RGS20: variants seen among roughly 807,000 people sequenced by gnomAD.
RGS20 encodes the protein regulator of G protein signaling 20, also known as gz-selective GTPase-activating protein.
A neutral mutation model predicts 33.6 loss-of-function variants in RGS20; 30 were observed. That is an observed-to-expected ratio of 0.89 (90% CI 0.67 to 1.21). The LOEUF (loss-of-function observed/expected upper bound fraction) is 1.21, where lower values mean the gene tolerates loss of function less well. Among genes scored for constraint, RGS20 ranks in the 50% most tolerant of loss-of-function variants. The pLI is 0.00. For missense variants in RGS20, 472 were observed against 502.4 expected (o/e 0.94, Z 0.58); for synonymous variants, 208 against 197.9 (o/e 1.05, Z -0.43).
In RGS20 at chr8:53,879,445, G is replaced by A. The variant is rs1812291670; in HGVS notation, c.353G>A (p.Arg118Lys). The A allele has an allele frequency of 6.2e-7, 1 of 1,600,020 alleles. No individual in the cohort carries two copies. The highest frequency in any genetic ancestry group is 8.5e-7 in the Non-Finnish European group (1 of 1,174,588). ...GCCCTGCCGGCCGCCCGGCTCTCGA[G>A]GGGGCACGAGGAGCTGCCGGGCCGC... Residue 118 changes from arginine (R) to lysine (K), a missense_variant, in exon 2 of 6, where the codon AGG (arginine) becomes AAG (lysine). By Grantham distance (26) the Arg-to-Lys change is conservative (BLOSUM62 2). Around this residue, in one of 3 missense-constraint regions of RGS20, gnomAD observed 319 missense variants for 283.4 expected, o/e 1.13. Transcript: ENST00000297313.
At chr8:53,898,623 G>A (rs1446619754) in intron 2 of RGS20, among the ~76,000 whole-genome samples, 1 of 152,222 alleles carries the variant, frequency 6.6e-6, no homozygotes, top group Non-Finnish European at 1.5e-5. Flanking sequence ...ACCAGAGATA[G>A]AAATGAAATA....
At chr8:53,890,770 C>T (rs998871420) in intron 2 of RGS20, among the ~76,000 whole-genome samples, 2 of 152,230 alleles carry the variant, frequency 1.3e-5, no homozygotes, top group African/African-American at 4.8e-5. Flanking sequence ...GCTGGGATTA[C>T]AGGCACTTGC....
intron 2 of RGS20, among the ~76,000 whole-genome samples, chr8:53,921,091 G>A (rs950100039): frequency 6.6e-6 from 1 of 152,150 alleles, no homozygotes; most frequent in Non-Finnish European, 1.5e-5. Context: ...TATGATTTTT[G>A]TCCATTATTT....
intron 1 of RGS20, among the ~76,000 whole-genome samples, chr8:53,866,919 G>A (rs971282009): frequency 2.0e-5 from 3 of 152,074 alleles, no homozygotes; most frequent in Non-Finnish European, 4.4e-5. Context: ...GGGTTTGGAC[G>A]TGTGTGTGTC....
At chr8:53,954,391 C>G in intron 5 of RGS20, 81 bp downstream of exon 4, 1 of 919,252 alleles carries the variant, frequency 1.1e-6, no homozygotes, top group Non-Finnish European at 1.7e-6. Context: ...AGGCCGGGCA[C>G]AGTGGCTCAC....
chr8:53,909,209 G>GTATA lies in RGS20; in HGVS notation c.510+29650_510+29653dup, dbSNP rs1178436696. On this transcript the variant is annotated intron_variant, in intron 2 of 5. Coordinates refer to ENST00000297313, the MANE Select transcript of RGS20 (RefSeq NM_170587.4). ...CTCTATTATCCATTATGGTATGTGTGTATATATATATATATATATATATAT... is the reference window on the plus strand; with the variant it reads ...CTCTATTATCCATTATGGTATGTGTGTATATATATATATATATATATATATATAT... 4.3e-3 allele frequency among the ~76,000 whole-genome samples: 188 copies of GTATA among 43,692 alleles called. 1 individual carries two copies. Among genetic ancestry groups the GTATA allele is most frequent in the Middle Eastern group, 0.018 (1 of 56 alleles). 28.7% of individuals were successfully genotyped at this position (43,692 alleles called of 152,430 possible). A position where few individuals can be genotyped will look rare whatever the true frequency, so the allele number is the denominator to read the frequency against.
chr8:53,909,207 G>GTATATATA (rs1198520966), intron 2 of RGS20, among the ~76,000 whole-genome samples: 1 of 83,154 alleles, frequency 1.2e-5, no homozygotes, highest in Non-Finnish European at 2.2e-5. Flanking sequence ...TATGGTATGT[G>GTATATATA]TGTATATATA....
At chr8:53,852,939 A>G (rs1811598307) in intron 1 of RGS20, among the ~76,000 whole-genome samples, 1 of 152,168 alleles carries the variant, frequency 6.6e-6, no homozygotes, top group South Asian at 2.1e-4. Flanking sequence ...GAGGGGAAAA[A>G]AAAAATAAAA....
intron 1 of RGS20, among the ~76,000 whole-genome samples, chr8:53,856,587 C>T (rs938888014): frequency 3.9e-5 from 6 of 152,216 alleles, no homozygotes; most frequent in Non-Finnish European, 5.9e-5. Flanking sequence ...AGTGGGAGGG[C>T]GGGTGAACTC....
intron 1 of RGS20, among the ~76,000 whole-genome samples, chr8:53,867,605 T>A (rs1338220153): frequency 1.3e-5 from 2 of 152,202 alleles, no homozygotes; most frequent in Non-Finnish European, 2.9e-5. Context: ...GCCCTGTTGG[T>A]ATCTAAAACA....
intron 2 of RGS20, among the ~76,000 whole-genome samples, chr8:53,916,138 T>C: frequency 6.6e-6 from 1 of 152,140 alleles, no homozygotes; most frequent in East Asian, 1.9e-4. Context: ...TCCTCCCACC[T>C]CAACCTCCTA....
chr8:53,857,232 G>A (rs748450779), intron 1 of RGS20, among the ~76,000 whole-genome samples: 13 of 152,238 alleles, frequency 8.5e-5, no homozygotes, highest in South Asian at 2.1e-4. Flanking sequence ...TCTCTCTGCC[G>A]TGGCTAGCAT....
At position 53,947,194 on chromosome 8, in the gene RGS20, C is replaced by T. The variant is rs12544036; in HGVS notation, c.743+446C>T. ...CTATATAAGATATAGCATATTTATA[C>T]ACGCTATATAAGATATAGCATATTT... On this transcript the variant is annotated intron_variant, in intron 4 of 5. Transcript: ENST00000297313. Among the ~76,000 whole-genome samples the T allele has an allele frequency of 7.0e-3, 1,001 of 142,986 alleles. 20 individuals are homozygous for T. The highest frequency in any genetic ancestry group is 0.037 in the Admixed American group (502 of 13,614). The allele number at this position is 142,986 out of a possible 152,430, so 93.8% of individuals were successfully genotyped here.
intron 2 of RGS20, among the ~76,000 whole-genome samples, chr8:53,936,598 G>A (rs2129289636): frequency 6.6e-6 from 1 of 152,258 alleles, no homozygotes; most frequent in South Asian, 2.1e-4. Context: ...GGAAATAAGG[G>A]AGGACACAAA....
chr8:53,894,950 A>C (rs760486941), intron 2 of RGS20, among the ~76,000 whole-genome samples: 4 of 152,134 alleles, frequency 2.6e-5, no homozygotes, highest in Non-Finnish European at 5.9e-5. Flanking sequence ...TCTATTTTAA[A>C]AGAGTTAGTA....
At chr8:53,943,102 A>G (rs1333177432) in intron 3 of RGS20, among the ~76,000 whole-genome samples, 1 of 152,238 alleles carries the variant, frequency 6.6e-6, no homozygotes, top group Non-Finnish European at 1.5e-5. Context: ...AATATAATAT[A>G]GTAGCATAAT....
At chr8:53,889,428 T>C (rs1255717664) in intron 2 of RGS20, among the ~76,000 whole-genome samples, 1,542 of 110,362 alleles carry the variant, frequency 0.014, 147 homozygotes, top group African/African-American at 0.053. Context: ...TTTTTTTTTT[T>C]TTTTTTTTTT....
intron 2 of RGS20, among the ~76,000 whole-genome samples, chr8:53,884,191 CTTTTTTTTTTTT>C (rs4014055): frequency 9.7e-6 from 1 of 103,478 alleles, no homozygotes; most frequent in East Asian, 3.1e-4. Context: ...GAAAAACAGT[CTTTTTTTTTTTT>C]TTTTTTTTTT....
At chr8:53,880,437 C>T (rs1241415563) in intron 2 of RGS20, among the ~76,000 whole-genome samples, 1 of 151,868 alleles carries the variant, frequency 6.6e-6, no homozygotes, top group Non-Finnish European at 1.5e-5. Context: ...CAGAGAGGCG[C>T]CCCGGGCCGG....
Sources: gnomAD v4.1 joint callset for allele counts (sites outside exome capture counted in the v4.1 genomes callset) on GRCh38, gnomAD v4.1.1 for gene constraint, gnomAD v4.1.1 regional missense constraint, MANE v1.5 for transcripts, NCBI Gene and HGNC (gene_info 2026-07-23, HGNC 2026-07-21) for gene names.